The following QKI variants were observed in gnomAD, a reference collection of about 807,000 sequenced individuals.
The protein encoded by QKI is KH domain-containing RNA-binding protein QKI.
Under a neutral mutation model 39.0 loss-of-function variants are expected in QKI, and 10 were observed. The observed-to-expected ratio is 0.26, with a 90% CI of 0.16 to 0.43. The LOEUF (loss-of-function observed/expected upper bound fraction) is 0.43. QKI is among the 20% of genes least tolerant of loss of function. The probability of loss-of-function intolerance (pLI) is 1.00; values close to 1 mark genes in which losing one functional copy is unlikely to be tolerated. For synonymous variants in QKI, 204 were observed against 155.4 expected (o/e 1.31, Z -2.33); for missense variants, 218 against 428.0 (o/e 0.51, Z 4.33).
intron 3 of QKI, among the ~76,000 whole-genome samples, chr6:163,502,948 A>C (rs1034528880): frequency 4.6e-5 from 7 of 152,122 alleles, no homozygotes; most frequent in African/African-American, 1.7e-4. Context: ...TGGCTGAACT[A>C]ATTTACATTC....
intron 3 of QKI, among the ~76,000 whole-genome samples, chr6:163,498,019 C>G (rs1285098145): frequency 6.6e-6 from 1 of 152,006 alleles, no homozygotes; most frequent in Non-Finnish European, 1.5e-5. Flanking sequence ...TTAAAAATTT[C>G]TGTTACTGTA....
chr6:163,437,462 A>C (rs1789400502), intron 1 of QKI, among the ~76,000 whole-genome samples: 1 of 152,158 alleles, frequency 6.6e-6, no homozygotes, highest in Admixed American at 6.5e-5. Context: ...TTTACTTTTT[A>C]AAAAGAGTTT....
intron 4 of QKI, among the ~76,000 whole-genome samples, chr6:163,541,964 A>G (rs1405747713): frequency 6.6e-6 from 1 of 151,900 alleles, no homozygotes; most frequent in East Asian, 1.9e-4. Flanking sequence ...GTGTTTAACT[A>G]TGTATGGGCT....
chr6:163,456,026 C>A (rs1790882700), intron 2 of QKI, among the ~76,000 whole-genome samples: 1 of 152,064 alleles, frequency 6.6e-6, no homozygotes, highest in African/African-American at 2.4e-5. Context: ...AATGATTTTC[C>A]CTCTTCTTTA....
intron 3 of QKI, among the ~76,000 whole-genome samples, chr6:163,487,356 T>G (rs1744928): frequency 0.74 from 113,115 of 151,916 alleles, 42,356 homozygotes; most frequent in East Asian, 1. Context: ...TATTTTAGAA[T>G]CAAATTCAGA....
At chr6:163,515,810 GTAAT>G (rs1779756254) in intron 3 of QKI, among the ~76,000 whole-genome samples, 1 of 152,086 alleles carries the variant, frequency 6.6e-6, no homozygotes, top group South Asian at 2.1e-4. Flanking sequence ...TCTGGCATAG[GTAAT>G]TAGTGACTGT....
intron 3 of QKI, among the ~76,000 whole-genome samples, chr6:163,497,238 G>T (rs989729685): frequency 1.3e-5 from 2 of 151,976 alleles, no homozygotes; most frequent in African/African-American, 2.4e-5. Context: ...TTGCCATTTT[G>T]TGCCATCATT....
intron 4 of QKI, among the ~76,000 whole-genome samples, chr6:163,546,812 T>G (rs1781906451): frequency 6.6e-6 from 1 of 152,104 alleles, no homozygotes; most frequent in Admixed American, 6.6e-5. Context: ...AAGTGACTAT[T>G]AAATTATCCT....
rs564926294 is a variant in QKI at position 163,497,797 on chromosome 6, C to T, written c.402+18901C>T. On this transcript the variant is annotated intron_variant, in intron 3 of 7. Coordinates refer to ENST00000361752, the MANE Select transcript of QKI (RefSeq NM_006775.3). Reference sequence around the variant, plus strand: ...TATATTTATTGTCTAGTTGTAATTACTAATAGCATCTCCATTCACTTCCAA... The same window carrying T: ...TATATTTATTGTCTAGTTGTAATTATTAATAGCATCTCCATTCACTTCCAA... Among the ~76,000 whole-genome samples, 60 of 151,740 alleles carry T rather than the reference C, an allele frequency of 4.0e-4. 2 individuals are homozygous for T. In the South Asian group the frequency reaches 0.012, roughly 29 times the overall value.
intron 3 of QKI, among the ~76,000 whole-genome samples, chr6:163,533,256 A>G (rs1177834669): frequency 6.6e-6 from 1 of 152,210 alleles, no homozygotes; most frequent in Non-Finnish European, 1.5e-5. Context: ...AGTTAGAGAT[A>G]TTAATACATA....
chr6:163,473,083 T>C (rs1273062482), intron 2 of QKI, among the ~76,000 whole-genome samples: 2 of 152,182 alleles, frequency 1.3e-5, no homozygotes, highest in Non-Finnish European at 2.9e-5. Flanking sequence ...CTCTACATTA[T>C]AATAAACTAC....
chr6:163,472,990 G>A (rs1476411144), intron 2 of QKI, among the ~76,000 whole-genome samples: 3 of 152,100 alleles, frequency 2.0e-5, no homozygotes, highest in South Asian at 2.1e-4. Context: ...AACGAAGGAA[G>A]TAGAAGGAAG....
At chr6:163,566,339 G>T in intron 6 of QKI, 1 of 1,195,128 alleles carries the variant, frequency 8.4e-7, no homozygotes, top group South Asian at 2.1e-5. Flanking sequence ...GTGGTCTTAA[G>T]GTTAGCAAAT....
At chr6:163,462,815 A>G (rs186577480) in intron 2 of QKI, among the ~76,000 whole-genome samples, 3 of 152,308 alleles carry the variant, frequency 2.0e-5, no homozygotes, top group African/African-American at 7.2e-5. Flanking sequence ...TGAGAGCTTG[A>G]ACTCAGGCAA....
At chr6:163,426,373 T>C (rs1226826722) in intron 1 of QKI, among the ~76,000 whole-genome samples, 2 of 152,176 alleles carry the variant, frequency 1.3e-5, no homozygotes, top group Non-Finnish European at 2.9e-5. Flanking sequence ...ACTGGAGTAC[T>C]TCATAGGTGC....
chr6:163,444,753 A>T (rs1790019177), intron 1 of QKI, among the ~76,000 whole-genome samples: 1 of 151,912 alleles, frequency 6.6e-6, no homozygotes, highest in South Asian at 2.1e-4. Context: ...TAAAATTTTA[A>T]CAACATTATT....
intron 1 of QKI, 118 bp from the exon 2 acceptor site, chr6:163,455,161 T>A (rs1790829796): frequency 4.3e-6 from 3 of 694,276 alleles, no homozygotes; most frequent in Non-Finnish European, 6.8e-6. Flanking sequence ...GGCCAGGAGC[T>A]CCTTATTTGA....
intron 6 of QKI, chr6:163,564,747 T>C (rs763795597): frequency 3.1e-6 from 5 of 1,613,850 alleles, no homozygotes; most frequent in East Asian, 2.2e-5. Flanking sequence ...GCAGCTGTTA[T>C]AACACGACCA....
chr6:163,562,118 G>C, intron 5 of QKI, 49 bp downstream of exon 5: 1 of 1,422,578 alleles, frequency 7.0e-7, no homozygotes. Flanking sequence ...GCGTTGTTTT[G>C]TCTACAGACT....
Sources: allele counts gnomAD v4.1 joint callset (sites outside exome capture counted in the v4.1 genomes callset), GRCh38; gene constraint gnomAD v4.1.1; transcripts MANE v1.5; gene names NCBI Gene and HGNC (gene_info 2026-07-23, HGNC 2026-07-21).